TMEM207: variants seen among roughly 807,000 people sequenced by gnomAD.
TMEM207 encodes transmembrane protein 207, also known as SRSR846.
A neutral mutation model predicts 17.4 loss-of-function variants in TMEM207; 15 were observed. That is an observed-to-expected ratio of 0.86 (90% CI 0.58 to 1.33). The LOEUF is 1.33. TMEM207 is among the 40% of genes most tolerant of loss of function. The pLI is 0.00. For missense variants in TMEM207, 205 were observed against 173.8 expected (o/e 1.18, Z -1.01); for synonymous variants, 70 against 65.6 (o/e 1.07, Z -0.33).
intron 4 of TMEM207, among the ~76,000 whole-genome samples, chr3:190,439,350 C>A (rs2108535487): frequency 6.6e-6 from 1 of 151,748 alleles, no homozygotes; most frequent in Non-Finnish European, 1.5e-5. Context: ...CACTTTTCAT[C>A]TTGCTGTTAG....
chr3:190,444,482 GC>G, intron 2 of TMEM207: 1 of 977,990 alleles, frequency 1.0e-6, no homozygotes, highest in Non-Finnish European at 1.2e-6. Flanking sequence ...TGTTCCAAAT[GC>G]TTTAAGGAAA....
At chr3:190,446,360 C>T (rs1387792467) in intron 2 of TMEM207, among the ~76,000 whole-genome samples, 2 of 152,116 alleles carry the variant, frequency 1.3e-5, no homozygotes, top group Non-Finnish European at 2.9e-5. Flanking sequence ...AGATTCATTC[C>T]GCTGACACTG....
At chr3:190,436,102 T>C (rs1719798174) in intron 4 of TMEM207, among the ~76,000 whole-genome samples, 1 of 152,158 alleles carries the variant, frequency 6.6e-6, no homozygotes, top group African/African-American at 2.4e-5. Context: ...ATCCTGAGAG[T>C]CCAACCTTTG....
rs745597792 is a variant in TMEM207, at chr3:190,440,226, A to C, written c.304+18T>G. 3.1e-6 allele frequency: 5 copies of C among 1,608,280 alleles called. No individual in the cohort carries two copies. The highest frequency in any genetic ancestry group is 1.1e-5 in the South Asian group (1 of 90,002). ...ACAAAGTATCAAAAAAGAGTCCAGA[A>C]GCGTGCAGACAACTCACCATAAATA... On this transcript the variant is annotated intron_variant, in intron 4 of 4. Transcript: ENST00000354905.
intron 2 of TMEM207, among the ~76,000 whole-genome samples, chr3:190,447,224 TATTA>T (rs1267121908): frequency 2.6e-5 from 4 of 152,280 alleles, no homozygotes; most frequent in Admixed American, 6.5e-5. Flanking sequence ...GAATTACAGA[TATTA>T]ATTATCAGTA....
intron 4 of TMEM207, among the ~76,000 whole-genome samples, chr3:190,432,663 G>A (rs1235522672): frequency 1.3e-5 from 2 of 152,160 alleles, no homozygotes; most frequent in African/African-American, 4.8e-5. Flanking sequence ...GGAGACTGGA[G>A]GGAGAAGAGA....
At chr3:190,442,488 T>A (rs1173878513) in intron 2 of TMEM207, among the ~76,000 whole-genome samples, 1 of 152,214 alleles carries the variant, frequency 6.6e-6, no homozygotes, top group Admixed American at 6.5e-5. Context: ...TTTTAACATA[T>A]GTGAAGTGTC....
chr3:190,437,012 GCACA>G (rs1190979946), intron 4 of TMEM207, among the ~76,000 whole-genome samples: 1 of 152,086 alleles, frequency 6.6e-6, no homozygotes, highest in Admixed American at 6.6e-5. Flanking sequence ...TTCAGCATAG[GCACA>G]CACACAAAAA....
chr3:190,429,090 C>A lies in TMEM207; in HGVS notation c.*505G>T, dbSNP rs1719632380. 1 of 152,640 alleles carries A rather than the reference C, an allele frequency of 6.6e-6. No homozygotes were observed. Among genetic ancestry groups the A allele is most frequent in the Non-Finnish European group, 1.5e-5 (1 of 68,328 alleles). 9.5% of individuals were successfully genotyped at this position (152,640 alleles called of 1,614,324 possible). On this transcript the variant is annotated 3_prime_UTR_variant, in exon 5 of 5. Transcript: ENST00000354905. ...CCTTTTCCTCTTCATTTATCCTTTA[C>A]CCTTCAACTCCAAACTTTTCTTTTT...
At chr3:190,440,181 T>G in intron 4 of TMEM207, 63 bp downstream of exon 4, 1 of 1,542,862 alleles carries the variant, frequency 6.5e-7, no homozygotes, top group Non-Finnish European at 8.7e-7. Flanking sequence ...GAGAACAGTT[T>G]TTCAATTAAC....
intron 2 of TMEM207, among the ~76,000 whole-genome samples, chr3:190,447,136 A>G (rs757936291): frequency 6.6e-6 from 1 of 152,036 alleles, no homozygotes; most frequent in African/African-American, 2.4e-5. Flanking sequence ...AAGACTGAAA[A>G]CAGCTGCTAA....
At chr3:190,441,981 T>C (rs1719946451) in intron 2 of TMEM207, among the ~76,000 whole-genome samples, 1 of 152,178 alleles carries the variant, frequency 6.6e-6, no homozygotes, top group Non-Finnish European at 1.5e-5. Context: ...GAAATTAGGC[T>C]AGGAGGAAAA....
intron 4 of TMEM207, among the ~76,000 whole-genome samples, chr3:190,435,686 A>C (rs1265211121): frequency 1.3e-5 from 2 of 152,192 alleles, no homozygotes; most frequent in African/African-American, 4.8e-5. Flanking sequence ...AGGGGTATAG[A>C]TCCTATGAAG....
intron 4 of TMEM207, among the ~76,000 whole-genome samples, chr3:190,434,846 T>C (rs917722370): frequency 2.0e-5 from 3 of 151,918 alleles, no homozygotes; most frequent in African/African-American, 7.3e-5. Flanking sequence ...CAGGGGAACA[T>C]AGTAAAGGGA....
chr3:190,447,422 T>C (rs1374643079), intron 2 of TMEM207, among the ~76,000 whole-genome samples: 1 of 152,190 alleles, frequency 6.6e-6, no homozygotes, highest in Non-Finnish European at 1.5e-5. Context: ...AACTGAGTTA[T>C]ACAGAAAACT....
intron 2 of TMEM207, among the ~76,000 whole-genome samples, chr3:190,442,764 G>C (rs1250531019): frequency 6.6e-6 from 1 of 151,816 alleles, no homozygotes; most frequent in Non-Finnish European, 1.5e-5. Context: ...ATAATTAATG[G>C]GACATACTTA....
At chr3:190,439,412 A>C (rs1267687321) in intron 4 of TMEM207, among the ~76,000 whole-genome samples, 1 of 152,162 alleles carries the variant, frequency 6.6e-6, no homozygotes, top group Non-Finnish European at 1.5e-5. Context: ...ATGGTGGCCC[A>C]GTTTCTGAAA....
intron 4 of TMEM207, among the ~76,000 whole-genome samples, chr3:190,435,528 G>T (rs1719786424): frequency 6.6e-6 from 1 of 152,074 alleles, no homozygotes; most frequent in South Asian, 2.1e-4. Context: ...GGCATCAGAG[G>T]GAATATTTTT....
chr3:190,434,773 G>A (rs1719765357), intron 4 of TMEM207, among the ~76,000 whole-genome samples: 1 of 152,206 alleles, frequency 6.6e-6, no homozygotes, highest in South Asian at 2.1e-4. Context: ...TCATTGAGCG[G>A]ACGCTCTCTG....
Sources: gnomAD v4.1 joint callset for allele counts (sites outside exome capture counted in the v4.1 genomes callset) on GRCh38, gnomAD v4.1.1 for gene constraint, MANE v1.5 for transcripts, NCBI Gene and HGNC (gene_info 2026-07-23, HGNC 2026-07-21) for gene names.